NBAS: variants seen among roughly 807,000 people sequenced by gnomAD.
The protein encoded by NBAS is NAG/BC035112 fusion.
NBAS carries 219 observed loss-of-function variants against 302.5 expected under a neutral mutation model. That is an observed-to-expected ratio of 0.72 (90% confidence interval 0.65 to 0.81). The LOEUF (loss-of-function observed/expected upper bound fraction) is 0.81. Among genes scored for constraint, NBAS ranks in the 30% least tolerant of loss-of-function variants. The pLI is 0.00. For synonymous variants in NBAS, 1,118 were observed against 1,021.6 expected, an observed-to-expected ratio of 1.09 and a Z score of -1.80; for missense variants, 2,932 against 2,841.6, an observed-to-expected ratio of 1.03 and a Z score of -0.72.
chr2:15,056,699 C>T, the NBAS span, among the ~76,000 whole-genome samples: 6,059 of 152,176 alleles, frequency 0.04, 197 homozygotes, highest in Non-Finnish European at 0.06. Context: ...TCTAAGGAAG[C>T]GGGAGCAGGG....
At chr2:15,143,960 C>G in the NBAS span, among the ~76,000 whole-genome samples, 37 of 150,034 alleles carry the variant, frequency 2.5e-4, no homozygotes, top group Admixed American at 4.0e-4. Context: ...GACGGGCTCT[C>G]CTTGCTCCTC....
intron 51 of NBAS, among the ~76,000 whole-genome samples, chr2:15,178,332 G>T (rs1274789168): frequency 1.3e-5 from 2 of 152,178 alleles, no homozygotes; most frequent in African/African-American, 2.4e-5. Context: ...AAGGGCTTCA[G>T]TAAGGATCAT....
the NBAS span, among the ~76,000 whole-genome samples, chr2:14,872,171 G>T: frequency 6.6e-6 from 1 of 152,134 alleles, no homozygotes; most frequent in African/African-American, 2.4e-5. Flanking sequence ...GGTCATTTGA[G>T]AATTATTGAG....
chr2:14,804,191 T>C, the NBAS span, among the ~76,000 whole-genome samples: 2 of 152,206 alleles, frequency 1.3e-5, no homozygotes, highest in African/African-American at 2.4e-5. Context: ...CCATGGAGGA[T>C]AGATGAGGCT....
chr2:14,882,641 G>C, the NBAS span, among the ~76,000 whole-genome samples: 2 of 152,294 alleles, frequency 1.3e-5, no homozygotes, highest in South Asian at 2.1e-4. Context: ...TTCTGCATAA[G>C]AGAGAGTTTT....
At chr2:15,101,958 TG>T in the NBAS span, among the ~76,000 whole-genome samples, 1 of 152,230 alleles carries the variant, frequency 6.6e-6, no homozygotes, top group Non-Finnish European at 1.5e-5. Context: ...CATGGCCTTG[TG>T]GGCCATTTCT....
chr2:15,387,879 C>A (rs1675389496), intron 28 of NBAS, among the ~76,000 whole-genome samples: 1 of 152,188 alleles, frequency 6.6e-6, no homozygotes, highest in Non-Finnish European at 1.5e-5. Context: ...AAGCGGTCTG[C>A]CCGCCTCCGC....
chr2:15,315,056 T>C (rs1180584796), intron 38 of NBAS, among the ~76,000 whole-genome samples: 1 of 152,160 alleles, frequency 6.6e-6, no homozygotes, highest in Non-Finnish European at 1.5e-5. Flanking sequence ...AGGGTGGCAA[T>C]AAGGTCTGCA....
intron 32 of NBAS, among the ~76,000 whole-genome samples, chr2:15,364,189 T>G (rs879476571): frequency 5.3e-5 from 8 of 152,112 alleles, no homozygotes; most frequent in Non-Finnish European, 7.4e-5. Context: ...AGTCCAAGAA[T>G]AAAATACACT....
At chr2:15,041,823 C>A in the NBAS span, among the ~76,000 whole-genome samples, 220 of 152,332 alleles carry the variant, frequency 1.4e-3, no homozygotes, top group Middle Eastern at 6.8e-3. Context: ...AAGGGCTCTG[C>A]CGGCTTTGGT....
intron 35 of NBAS, among the ~76,000 whole-genome samples, chr2:15,351,482 G>C (rs548799344): frequency 2.0e-4 from 31 of 152,192 alleles, no homozygotes; most frequent in African/African-American, 7.2e-4. Context: ...TTCGAGACGA[G>C]CCTGGCCAAC....
At chr2:15,250,132 A>C (rs1270969341) in intron 44 of NBAS, among the ~76,000 whole-genome samples, 1 of 152,212 alleles carries the variant, frequency 6.6e-6, no homozygotes, top group Non-Finnish European at 1.5e-5. Context: ...CCAATGGAAC[A>C]AAACAGAGGC....
chr2:15,178,710 TAACATCCTGCTTCTGTAG>T (rs1371188578), intron 51 of NBAS, among the ~76,000 whole-genome samples: 2 of 152,194 alleles, frequency 1.3e-5, no homozygotes, highest in African/African-American at 4.8e-5. Context: ...TTAAGGAGAC[TAACATCCTGCTTCTGTAG>T]AAAACTGTCT....
chr2:14,974,181 C>T, the NBAS span, among the ~76,000 whole-genome samples: 1 of 152,198 alleles, frequency 6.6e-6, no homozygotes. Context: ...GCGCATTAAG[C>T]TCCTTGAGGG....
chr2:15,122,920 G>A, the NBAS span, among the ~76,000 whole-genome samples: 1 of 151,596 alleles, frequency 6.6e-6, no homozygotes, highest in South Asian at 2.1e-4. Context: ...TCTGGGATTT[G>A]CACTACATCC....
At chr2:15,264,087 A>C (rs1046404583) in intron 44 of NBAS, among the ~76,000 whole-genome samples, 5 of 152,232 alleles carry the variant, frequency 3.3e-5, no homozygotes, top group African/African-American at 1.2e-4. Flanking sequence ...AAAGAATGGA[A>C]GAGCAAAGGG....
intron 44 of NBAS, among the ~76,000 whole-genome samples, chr2:15,247,027 A>G (rs911793174): frequency 2.0e-5 from 3 of 152,222 alleles, no homozygotes; most frequent in African/African-American, 7.2e-5. Context: ...GACATCTCCA[A>G]GGAGAGTCCT....
chr2:15,546,389 G>A (rs1025519848), intron 6 of NBAS, among the ~76,000 whole-genome samples: 5 of 152,188 alleles, frequency 3.3e-5, no homozygotes, highest in African/African-American at 1.2e-4. Flanking sequence ...CATATAATCT[G>A]AGGATCCTGA....
intron 32 of NBAS, among the ~76,000 whole-genome samples, chr2:15,366,299 A>T (rs2148338692): frequency 6.6e-6 from 1 of 152,296 alleles, no homozygotes; most frequent in African/African-American, 2.4e-5. Context: ...GTCTTCGTTT[A>T]AGTAATAGAT....
Sources: allele counts gnomAD v4.1 joint callset (sites outside exome capture counted in the v4.1 genomes callset), GRCh38; gene constraint gnomAD v4.1.1; transcripts MANE v1.5; gene names NCBI Gene and HGNC (gene_info 2026-07-23, HGNC 2026-07-21).